MIER1: variants seen among roughly 807,000 people sequenced by gnomAD.
MIER1 encodes mesoderm induction early response protein 1.
Under a neutral mutation model 75.7 loss-of-function variants are expected in MIER1, and 40 were observed. The ratio of observed to expected loss-of-function variants is 0.53; its 90% confidence interval spans 0.41 to 0.69. MIER1 has a LOEUF of 0.69. Among genes scored for constraint, MIER1 ranks in the 30% least tolerant of loss-of-function variants. The pLI is 0.00. For synonymous variants in MIER1, 213 were observed against 223.4 expected, an observed-to-expected ratio of 0.95 and a Z score of 0.42; for missense variants, 574 against 680.2, an observed-to-expected ratio of 0.84 and a Z score of 1.74.
intron 1 of MIER1, 110 bp from the exon 2 acceptor site, chr1:66,926,032 C>A: frequency 1.3e-6 from 1 of 799,834 alleles, no homozygotes; most frequent in Non-Finnish European, 2.1e-6. Context: ...TCATGGGATC[C>A]TTGTCCTGAT....
chr1:66,946,328 G>A, intron 4 of MIER1, 33 bp downstream of exon 4: 6 of 1,515,146 alleles, frequency 4.0e-6, no homozygotes, highest in Non-Finnish European at 4.4e-6. Flanking sequence ...GTATGAATTG[G>A]TTATGACTTT....
At chr1:66,948,249 C>T (rs1658123098) in intron 4 of MIER1, 1 of 929,196 alleles carries the variant, frequency 1.1e-6, no homozygotes, top group Non-Finnish European at 1.3e-6. Flanking sequence ...CATATGATTT[C>T]CTGTACTCCA....
At chr1:66,943,627 C>T (rs148354367) in intron 3 of MIER1, among the ~76,000 whole-genome samples, 1 of 151,854 alleles carries the variant, frequency 6.6e-6, no homozygotes, top group Non-Finnish European at 1.5e-5. Flanking sequence ...ACTGTGTTGC[C>T]CAGGCTTGTC....
chr1:66,929,078 A>G, intron 2 of MIER1: 1 of 714,420 alleles, frequency 1.4e-6, no homozygotes, highest in Non-Finnish European at 2.4e-6. Context: ...TGGAAATAGG[A>G]AAATGCTTGA....
At chr1:66,930,469 G>C in intron 2 of MIER1, 4 of 1,547,942 alleles carry the variant, frequency 2.6e-6, no homozygotes, top group South Asian at 2.3e-5. Context: ...GGGAGGAGTG[G>C]AGTGGGCCTG....
chr1:66,973,999 CAT>C (rs1380604020), intron 11 of MIER1, among the ~76,000 whole-genome samples: 1 of 152,092 alleles, frequency 6.6e-6, no homozygotes, highest in East Asian at 1.9e-4. Flanking sequence ...TTTTTTGACA[CAT>C]ATTTAATATT....
At chr1:66,972,197 C>A (rs997120012) in intron 10 of MIER1, among the ~76,000 whole-genome samples, 2 of 146,106 alleles carry the variant, frequency 1.4e-5, no homozygotes, top group Non-Finnish European at 3.0e-5. Context: ...GCTCCTACCC[C>A]CCTTCACTAA....
rs1398660180 is a variant in MIER1, at chr1:66,925,019, C to T, written c.-10C>T. On this transcript the variant is annotated 5_prime_UTR_variant, in exon 1 of 14. Coordinates refer to ENST00000401041, the MANE Select transcript of MIER1 (RefSeq NM_001077700.3). ...CCCTCCCAGGCTCTGAGTCTCCCGG[C>T]TGCAGGCGGATGGATGGGGCTTCTT... 5 of 1,546,398 alleles carry T rather than the reference C, an allele frequency of 3.2e-6. No homozygotes were observed. Among genetic ancestry groups the T allele is most frequent in the Non-Finnish European group, 4.4e-6 (5 of 1,145,298 alleles).
chr1:66,932,955 A>G (rs988014552), intron 2 of MIER1: 1 of 152,160 alleles, frequency 6.6e-6, no homozygotes, highest in Middle Eastern at 3.2e-3. Context: ...AGGATATACT[A>G]ATTTTTTATA....
chr1:66,946,936 TC>T lies in MIER1; in HGVS notation c.339+643del, dbSNP rs145241830. On this transcript the variant is annotated intron_variant, in intron 4 of 13. Coordinates refer to ENST00000401041, the MANE Select transcript of MIER1 (RefSeq NM_001077700.3). ...TTCAGTATCTTTTGCAGACTCTTCT[TC>T]CGTTACTCAAGGTTTACATGTTGGC... is the stretch of plus-strand genomic sequence containing the variant. 1,301 of 985,446 alleles carry T rather than the reference TC, an allele frequency of 1.3e-3. 12 individuals are homozygous for T. In the African/African-American group the frequency reaches 0.021, roughly 16 times the overall value. 61.0% of individuals were successfully genotyped at this position (985,446 alleles called of 1,614,324 possible). A position where few individuals can be genotyped will look rare whatever the true frequency, so the allele number is the denominator to read the frequency against.
chr1:66,931,431 T>C (rs114813283), intron 2 of MIER1, among the ~76,000 whole-genome samples: 640 of 152,312 alleles, frequency 4.2e-3, no homozygotes, highest in Non-Finnish European at 7.0e-3. Context: ...ATGACTCCTT[T>C]GAAATAAGCC....
Position 66,926,780 on chromosome 1 carries a change from T to C in MIER1, c.168+538T>C, listed in dbSNP as rs567068418. On this transcript the variant is annotated intron_variant, in intron 2 of 13. Transcript: ENST00000401041. The stretch of plus-strand genomic sequence containing the variant: ...CATGGACGCTGAAAATTGTTAGATA[T>C]AGAATTTTTTAGTTTTGGATGTGTT... 6.6e-5 allele frequency among the ~76,000 whole-genome samples: 10 copies of C among 152,294 alleles called. No homozygotes were observed. In the East Asian group the frequency reaches 7.7e-4, roughly 12 times the overall value.
At position 66,984,815 on chromosome 1, in the gene MIER1, G is replaced by A. The variant is rs368927076; in HGVS notation, c.1613G>A (p.Gly538Glu). The A allele has an allele frequency of 1.1e-5, 18 of 1,613,604 alleles. No homozygotes were observed. Among genetic ancestry groups the A allele is most frequent in the Non-Finnish European group, 1.4e-5 (17 of 1,179,842 alleles). ...PAKRRRVNSN[G>E]KESPGSSEFF... is the part of the protein sequence containing the mutation. ...AAAAGGCGAAGGGTAAACAGCAATG[G>A]AAAAGAAAGTCCAGGTTCTTCTGAA... Residue 538 changes from glycine (G) to glutamate (E), a missense_variant, in exon 14 of 14, where the codon GGA (glycine) becomes GAA (glutamate). Transcript: ENST00000401041.
chr1:66,942,601 T>C (rs546772200), intron 3 of MIER1, among the ~76,000 whole-genome samples: 7 of 152,302 alleles, frequency 4.6e-5, no homozygotes, highest in Non-Finnish European at 7.4e-5. Context: ...GGGAATTTTT[T>C]TTTTTTCCTA....
At chr1:66,980,229 T>C (rs1665611617) in intron 12 of MIER1, among the ~76,000 whole-genome samples, 1 of 152,250 alleles carries the variant, frequency 6.6e-6, no homozygotes, top group South Asian at 2.1e-4. Context: ...AATTTTTCTA[T>C]AATTATGATG....
chr1:66,930,857 GC>G (rs991831769), intron 2 of MIER1, among the ~76,000 whole-genome samples: 4 of 152,102 alleles, frequency 2.6e-5, no homozygotes, highest in Non-Finnish European at 5.9e-5. Context: ...AAAACGTAAG[GC>G]TGACGGCCTT....
rs528803769 is a variant in MIER1 at position 66,962,938 on chromosome 1, T to C, written c.700-150T>C. On this transcript the variant is annotated intron_variant, in intron 7 of 13. Coordinates refer to ENST00000401041, the MANE Select transcript of MIER1 (RefSeq NM_001077700.3). Reference sequence around the variant, plus strand: ...TCCAGTCATTATTTGTCATTCATCTTCACAAAGGTACCTCTGAGGTAGTTA... The same window carrying C: ...TCCAGTCATTATTTGTCATTCATCTCCACAAAGGTACCTCTGAGGTAGTTA... 3.1e-5 allele frequency: 16 copies of C among 523,842 alleles called. No homozygotes were observed. In the East Asian group the frequency reaches 4.9e-4, roughly 16 times the overall value. The allele number at this position is 523,842 out of a possible 1,614,324, so 32.4% of individuals were successfully genotyped here. A position where few individuals can be genotyped will look rare whatever the true frequency, so the allele number is the denominator to read the frequency against.
Position 66,986,187 on chromosome 1 carries a change from G to C in MIER1, c.*1287G>C. 8.1e-7 allele frequency: 1 copy of C among 1,240,740 alleles called. No individual in the cohort carries two copies. The highest frequency in any genetic ancestry group is 1.0e-6 in the Non-Finnish European group (1 of 992,558). The allele number at this position is 1,240,740 out of a possible 1,614,324, so 76.9% of individuals were successfully genotyped here. On this transcript the variant is annotated 3_prime_UTR_variant, in exon 14 of 14. Transcript: ENST00000401041. ...TTTCTAGTTACAATCCAATTTTTCA[G>C]ATTTGATAATGCTTTTCCAAAGTGA...
At chr1:66,964,308 C>T (rs796767959) in intron 8 of MIER1, among the ~76,000 whole-genome samples, 7 of 151,806 alleles carry the variant, frequency 4.6e-5, no homozygotes, top group East Asian at 2.0e-4. Flanking sequence ...CTCCTCACCT[C>T]GTGATCCGCC....
Sources: allele counts gnomAD v4.1 joint callset (sites outside exome capture counted in the v4.1 genomes callset), GRCh38; gene constraint gnomAD v4.1.1; transcripts MANE v1.5; gene names NCBI Gene and HGNC (gene_info 2026-07-23, HGNC 2026-07-21).